Variants in RALYL observed in about 807,000 individuals in gnomAD.
The protein encoded by RALYL is RALY RNA binding protein like.
RALYL carries 29 observed loss-of-function variants against 35.1 expected under a neutral mutation model. The observed-to-expected ratio is 0.83, with a 90% CI of 0.61 to 1.13. The LOEUF is 1.13. RALYL is among the 50% of genes most tolerant of loss of function. The pLI is 0.00. For missense variants in RALYL, 359 were observed against 360.4 expected, an observed-to-expected ratio of 1.00 and a Z score of 0.03; for synonymous variants, 120 against 127.6, an observed-to-expected ratio of 0.94 and a Z score of 0.40.
chr8:84,302,800 C>T (rs1377047155), intron 1 of RALYL, among the ~76,000 whole-genome samples: 1 of 152,126 alleles, frequency 6.6e-6, no homozygotes, highest in Non-Finnish European at 1.5e-5. Flanking sequence ...TTTCAAGTAC[C>T]TTTCTGTCAA....
intron 1 of RALYL, among the ~76,000 whole-genome samples, chr8:84,384,858 T>G (rs755066404): frequency 4.2e-4 from 63 of 151,724 alleles, no homozygotes; most frequent in Non-Finnish European, 6.6e-4. Context: ...ACCAACCACA[T>G]CCAAAAGTTG....
intron 1 of RALYL, among the ~76,000 whole-genome samples, chr8:84,225,398 A>G (rs955961734): frequency 6.6e-6 from 1 of 152,172 alleles, no homozygotes; most frequent in East Asian, 1.9e-4. Flanking sequence ...GTCCTTCAGC[A>G]GATTTTCATT....
chr8:84,316,737 A>T (rs1158839580), intron 1 of RALYL, among the ~76,000 whole-genome samples: 1 of 152,122 alleles, frequency 6.6e-6, no homozygotes, highest in Non-Finnish European at 1.5e-5. Context: ...CTTTCTTTAC[A>T]TCCATGATTT....
At chr8:84,783,843 C>A (rs190942566) in intron 3 of RALYL, among the ~76,000 whole-genome samples, 578 of 152,212 alleles carry the variant, frequency 3.8e-3, no homozygotes, top group African/African-American at 0.013. Flanking sequence ...AATTAAGCCA[C>A]CTGTTTTTAA....
chr8:84,221,868 A>G (rs1822305114), intron 1 of RALYL, among the ~76,000 whole-genome samples: 1 of 152,134 alleles, frequency 6.6e-6, no homozygotes, highest in African/African-American at 2.4e-5. Flanking sequence ...CTGTCTTTCT[A>G]GAGTCTGCTA....
At chr8:84,881,712 A>G (rs758847056) in intron 7 of RALYL, among the ~76,000 whole-genome samples, 3 of 151,906 alleles carry the variant, frequency 2.0e-5, no homozygotes, top group Non-Finnish European at 4.4e-5. Flanking sequence ...TTTTCCCTTA[A>G]ACAGAAATAC....
intron 2 of RALYL, among the ~76,000 whole-genome samples, chr8:84,744,456 A>G (rs1194034096): frequency 6.6e-6 from 1 of 152,048 alleles, no homozygotes. Flanking sequence ...GAAGCAAAGC[A>G]GGAAGCCACT....
Position 84,390,562 on chromosome 8 carries a change from T to A in RALYL, c.-23-138737T>A, listed in dbSNP as rs561264985. 9.9e-5 allele frequency among the ~76,000 whole-genome samples: 15 copies of A among 152,280 alleles called. No homozygotes were observed. The South Asian group carries it at 3.1e-3, about 32-fold the overall frequency. ...TCAGAGATTCAACTTCTTCCTGGTT[T>A]AGTCTTGGGAGACTGTATGTGTCGA... On this transcript the variant is annotated intron_variant, in intron 1 of 8. Transcript: ENST00000521268.
chr8:84,326,248 A>G (rs964979056), intron 1 of RALYL, among the ~76,000 whole-genome samples: 1 of 152,210 alleles, frequency 6.6e-6, no homozygotes, highest in African/African-American at 2.4e-5. Flanking sequence ...AATGCCAAAA[A>G]TTTAATGAAC....
intron 2 of RALYL, among the ~76,000 whole-genome samples, chr8:84,682,287 T>C (rs573571862): frequency 6.6e-6 from 1 of 152,290 alleles, no homozygotes; most frequent in South Asian, 2.1e-4. Context: ...TCAGGGTTAT[T>C]GGTCTAAAAT....
intron 1 of RALYL, among the ~76,000 whole-genome samples, chr8:84,321,026 T>C (rs2130384841): frequency 6.6e-6 from 1 of 152,200 alleles, no homozygotes; most frequent in East Asian, 1.9e-4. Context: ...TAGGGAAATG[T>C]CAGGGGTTAG....
chr8:84,838,604 A>G (rs1832518803), intron 4 of RALYL, among the ~76,000 whole-genome samples: 1 of 152,258 alleles, frequency 6.6e-6, no homozygotes, highest in South Asian at 2.1e-4. Context: ...AATTGAGTTT[A>G]TGATGGCAGG....
At chr8:84,555,090 C>T (rs911673699) in intron 2 of RALYL, among the ~76,000 whole-genome samples, 9 of 152,102 alleles carry the variant, frequency 5.9e-5, no homozygotes, top group Non-Finnish European at 1.5e-5. Flanking sequence ...ACCAGCCTGA[C>T]CAACATGGTG....
chr8:84,740,942 G>A (rs147172050), intron 2 of RALYL, among the ~76,000 whole-genome samples: 3 of 151,900 alleles, frequency 2.0e-5, no homozygotes, highest in Non-Finnish European at 4.4e-5. Context: ...TTATAATTAC[G>A]CACTTTTGTA....
At chr8:84,241,179 A>G (rs1363001975) in intron 1 of RALYL, among the ~76,000 whole-genome samples, 1 of 152,102 alleles carries the variant, frequency 6.6e-6, no homozygotes, top group Non-Finnish European at 1.5e-5. Flanking sequence ...TCCCCTCCAT[A>G]TATTTCTCCA....
At chr8:84,199,681 G>A (rs1048156018) in intron 1 of RALYL, among the ~76,000 whole-genome samples, 4 of 152,184 alleles carry the variant, frequency 2.6e-5, no homozygotes, top group Non-Finnish European at 5.9e-5. Flanking sequence ...TATATGGCAT[G>A]AGATGGTTGT....
chr8:84,633,614 A>G (rs144780351), intron 2 of RALYL, among the ~76,000 whole-genome samples: 147 of 152,006 alleles, frequency 9.7e-4, no homozygotes, highest in African/African-American at 3.2e-3. Context: ...AACAGTAACA[A>G]CAAAACATTG....
chr8:84,833,792 T>C (rs1831406679), intron 4 of RALYL, among the ~76,000 whole-genome samples: 1 of 152,020 alleles, frequency 6.6e-6, no homozygotes, highest in Non-Finnish European at 1.5e-5. Context: ...ATTATATTGA[T>C]GCCTTGGTTC....
intron 2 of RALYL, among the ~76,000 whole-genome samples, chr8:84,639,987 G>A (rs1465351880): frequency 6.6e-6 from 1 of 151,974 alleles, no homozygotes; most frequent in East Asian, 1.9e-4. Flanking sequence ...TTGTTCAGCT[G>A]TTTAGGCATC....
Sources: allele counts gnomAD v4.1 joint callset (sites outside exome capture counted in the v4.1 genomes callset), GRCh38; gene constraint gnomAD v4.1.1; transcripts MANE v1.5; gene names NCBI Gene and HGNC (gene_info 2026-07-23, HGNC 2026-07-21).